The following NUP160 variants were observed in gnomAD, a reference collection of about 807,000 sequenced individuals.
NUP160 encodes nucleoporin 160, also known as nuclear pore complex protein Nup160.
Under a neutral mutation model 196.9 loss-of-function variants are expected in NUP160, and 94 were observed. The observed-to-expected ratio is 0.48, with a 90% CI of 0.40 to 0.57. NUP160 has a LOEUF of 0.57. NUP160 is among the 20% of genes least tolerant of loss of function. NUP160 has a pLI of 0.00. For missense variants in NUP160, 1,638 were observed against 1,748.3 expected (o/e 0.94, Z 1.13); for synonymous variants, 605 against 619.7 (o/e 0.98, Z 0.35).
exon 36 of NUP160, chr11:47,778,793 G>C: frequency 4.8e-6 from 1 of 208,222 alleles, no homozygotes; most frequent in Non-Finnish European, 9.8e-6. Context: ...GGAAAGTGAA[G>C]GTGAGTCTTA....
exon 12 of NUP160, chr11:47,816,000 C>T (rs2097684203): frequency 6.2e-7 from 1 of 1,613,562 alleles, no homozygotes. Context: ...AGGAAAGATC[C>T]AAATTCCTCT....
rs373348012 is a variant in NUP160, at chr11:47,838,635, G to C, written c.749-1012C>G. Among the ~76,000 whole-genome samples the C allele has an allele frequency of 8.9e-4, 136 of 152,040 alleles. No homozygotes were observed. The Middle Eastern group carries it at 0.017, about 19-fold the overall frequency. On this transcript the variant is annotated intron_variant, in intron 4 of 35. Coordinates refer to ENST00000378460, the Ensembl canonical transcript of NUP160. The stretch of plus-strand genomic sequence containing the variant: ...AGACATGAGAATCACTTGAACCTGG[G>C]GGGGGCGGAGGTTGCAGTGAGCCAA...
At chr11:47,794,768 C>T (rs929039438) in intron 27 of NUP160, among the ~76,000 whole-genome samples, 2 of 151,684 alleles carry the variant, frequency 1.3e-5, no homozygotes, top group African/African-American at 4.8e-5. Flanking sequence ...AAAAAATTGT[C>T]GAGCGTGGTG....
Position 47,801,799 on chromosome 11 carries a change from G to A in NUP160, c.2895+12C>T, listed in dbSNP as rs942199706. On this transcript the variant is annotated intron_variant, in intron 23 of 35. Coordinates refer to ENST00000378460, the Ensembl canonical transcript of NUP160. ...ACAGGGTGGTATAAGGCCAAACCAA[G>A]ACATGATGTACCTTGTCATAATACT... The A allele has an allele frequency of 1.9e-6, 3 of 1,612,664 alleles. No homozygotes were observed. The highest frequency in any genetic ancestry group is 2.7e-5 in the African/African-American group (2 of 74,854).
chr11:47,798,663 A>T (rs751047569), intron 23 of NUP160, among the ~76,000 whole-genome samples, 200 bp from the exon 24 acceptor site: 15 of 152,110 alleles, frequency 9.9e-5, no homozygotes, highest in Non-Finnish European at 2.1e-4. Flanking sequence ...CATCTCTACA[A>T]AAAAATTTTT....
chr11:47,848,323 C>G, exon 1 of NUP160: 2 of 1,613,886 alleles, frequency 1.2e-6, no homozygotes, highest in Non-Finnish European at 1.7e-6. Context: ...CGCCATCTTC[C>G]CGCCGTCGCC....
At chr11:47,811,798 C>G (rs187970340) in intron 17 of NUP160, among the ~76,000 whole-genome samples, 1 of 152,250 alleles carries the variant, frequency 6.6e-6, no homozygotes, top group Non-Finnish European at 1.5e-5. Context: ...GGCCCAGGAT[C>G]CATTAGCTAT....
rs201154223 is a variant in NUP160 at position 47,812,224 on chromosome 11, G to C, written c.2081C>G (p.Ala694Gly). Residue 694 changes from alanine (A) to glycine (G), a missense_variant and splice_region_variant, in exon 17 of 36, where the codon GCT becomes GGT. Around this residue, in one of 3 missense-constraint regions of NUP160, gnomAD observed 1,345 missense variants for 1,470.2 expected, o/e 0.91. Coordinates refer to ENST00000378460, the Ensembl canonical transcript of NUP160. The stretch of plus-strand genomic sequence containing the variant: ...ATTCATTCGAATATTCAAAGGCTGA[G>C]CTGTAAAAAGAAGAAAAATGGAGTT... The C allele has an allele frequency of 2.5e-6, 4 of 1,613,926 alleles. No homozygotes were observed. The African/African-American group carries it at 5.3e-5, about 22-fold the overall frequency.
intron 4 of NUP160, 106 bp downstream of exon 4, chr11:47,839,737 C>T: frequency 1.1e-6 from 1 of 918,988 alleles, no homozygotes; most frequent in Non-Finnish European, 1.8e-6. Context: ...ATGACCAGTT[C>T]CGGGGCAGTA....
chr11:47,798,941 T>TAAAAAAA (rs57343652), intron 23 of NUP160, among the ~76,000 whole-genome samples: 2 of 112,034 alleles, frequency 1.8e-5, no homozygotes, highest in Non-Finnish European at 1.9e-5. Context: ...TCTCTATTAT[T>TAAAAAAA]AAAAAAAAAA....
chr11:47,790,343 T>A (rs557746741), intron 29 of NUP160, among the ~76,000 whole-genome samples: 1 of 152,136 alleles, frequency 6.6e-6, no homozygotes, highest in South Asian at 2.1e-4. Context: ...CACTGCAACC[T>A]CAGCCTCCCG....
exon 1 of NUP160, chr11:47,848,401 G>A: frequency 6.3e-7 from 1 of 1,591,478 alleles, no homozygotes; most frequent in South Asian, 1.1e-5. Context: ...GGCGGGCGGA[G>A]CTGCGGACAG....
Position 47,783,212 on chromosome 11 carries a change from G to C in NUP160, c.3991-14C>G. 6.2e-7 allele frequency: 1 copy of C among 1,612,008 alleles called. No homozygotes were observed. Among genetic ancestry groups the C allele is most frequent in the Non-Finnish European group, 8.5e-7 (1 of 1,179,218 alleles). Reference sequence around the variant, plus strand: ...AGCATCAACCTTCTGTGAAAAGTCAGTGATTAAGAATATGTACCTATTTCC... The same window carrying C: ...AGCATCAACCTTCTGTGAAAAGTCACTGATTAAGAATATGTACCTATTTCC... On this transcript the variant is annotated splice_polypyrimidine_tract_variant and intron_variant, in intron 33 of 35. Coordinates refer to ENST00000378460, the Ensembl canonical transcript of NUP160.
intron 20 of NUP160, among the ~76,000 whole-genome samples, chr11:47,805,015 GTTCATT>G (rs1483085433): frequency 2.0e-5 from 3 of 152,078 alleles, no homozygotes; most frequent in Admixed American, 6.6e-5. Context: ...ATTCCTGGGT[GTTCATT>G]TTCAATTCCA....
intron 27 of NUP160, chr11:47,796,181 C>G: frequency 3.4e-6 from 1 of 295,698 alleles, no homozygotes; most frequent in Non-Finnish European, 6.3e-6. Flanking sequence ...AAAGGAGCAG[C>G]TGCGGAAGCC....
intron 7 of NUP160, among the ~76,000 whole-genome samples, chr11:47,830,195 A>G (rs1332595380): frequency 6.6e-6 from 1 of 152,198 alleles, no homozygotes; most frequent in East Asian, 1.9e-4. Context: ...ATGGCTATTA[A>G]AAAGTCAAAA....
chr11:47,818,673 C>T (rs1851790492), intron 10 of NUP160, among the ~76,000 whole-genome samples: 1 of 152,112 alleles, frequency 6.6e-6, no homozygotes, highest in Non-Finnish European at 1.5e-5. Context: ...AGATTTGCCC[C>T]CAAGTAGTAA....
intron 2 of NUP160, among the ~76,000 whole-genome samples, chr11:47,845,100 C>A (rs990803888): frequency 2.0e-5 from 3 of 152,184 alleles, no homozygotes; most frequent in Non-Finnish European, 4.4e-5. Flanking sequence ...GGGCAACCAG[C>A]AGCCCTCGGA....
intron 11 of NUP160, 23 bp from the exon 12 acceptor site, chr11:47,816,052 A>C: frequency 6.5e-7 from 1 of 1,528,756 alleles, no homozygotes; most frequent in South Asian, 1.1e-5. Flanking sequence ...GACATTTTAG[A>C]CTTCTATATA....
Sources: allele counts gnomAD v4.1 joint callset (sites outside exome capture counted in the v4.1 genomes callset), GRCh38; gene constraint gnomAD v4.1.1; regional missense constraint gnomAD v4.1.1; transcripts MANE v1.5; gene names NCBI Gene and HGNC (gene_info 2026-07-23, HGNC 2026-07-21).